The following GRIN2A variants were observed in gnomAD, a reference collection of about 807,000 sequenced individuals.
GRIN2A encodes the protein glutamate receptor ionotropic, NMDA 2A.
GRIN2A carries 22 observed loss-of-function variants against 113.4 expected under a neutral mutation model. The ratio of observed to expected loss-of-function variants is 0.19; its 90% CI spans 0.14 to 0.28. The LOEUF is 0.28. Among genes scored for constraint, GRIN2A ranks in the 10% least tolerant of loss-of-function variants. GRIN2A has a pLI of 1.00. For missense variants in GRIN2A, 1,502 were observed against 1,887.0 expected, an observed-to-expected ratio of 0.80 and a Z score of 3.78; for synonymous variants, 827 against 738.4, an observed-to-expected ratio of 1.12 and a Z score of -1.94.
intron 2 of GRIN2A, among the ~76,000 whole-genome samples, chr16:10,123,468 A>G (rs1295404311): frequency 1.3e-5 from 2 of 152,214 alleles, no homozygotes; most frequent in African/African-American, 2.4e-5. Context: ...ATAGTTTGCA[A>G]GATACTGAAG....
At chr16:9,920,481 T>A (rs1370234998) in intron 3 of GRIN2A, among the ~76,000 whole-genome samples, 1 of 152,194 alleles carries the variant, frequency 6.6e-6, no homozygotes, top group Admixed American at 6.5e-5. Context: ...AGAAGTATGA[T>A]GGATCCCTCC....
intron 2 of GRIN2A, among the ~76,000 whole-genome samples, chr16:10,058,024 G>C (rs1220819475): frequency 6.6e-6 from 1 of 152,170 alleles, no homozygotes; most frequent in South Asian, 2.1e-4. Flanking sequence ...GGAAGCCAAG[G>C]AGGGTGGATC....
At chr16:9,884,632 T>C (rs2043552922) in intron 4 of GRIN2A, among the ~76,000 whole-genome samples, 1 of 152,078 alleles carries the variant, frequency 6.6e-6, no homozygotes, top group South Asian at 2.1e-4. Context: ...GCATTTTTTT[T>C]CAGGTAGAAT....
At chr16:9,876,239 G>A (rs1428348402) in intron 4 of GRIN2A, among the ~76,000 whole-genome samples, 2 of 152,148 alleles carry the variant, frequency 1.3e-5, no homozygotes, top group Admixed American at 1.3e-4. Flanking sequence ...CTGGCTCCTT[G>A]CTTCTTACTC....
rs1015919076 is a variant in GRIN2A, at chr16:9,928,390, G to A, written c.1007+9569C>T. ...ACCAACGATAGCTCATAAGTTAATC[G>A]GTCGTGAGCACCTGCCCCTTTATAC... is the stretch of plus-strand genomic sequence containing the variant. On this transcript the variant is annotated intron_variant, in intron 3 of 12. Coordinates refer to ENST00000330684, the MANE Select transcript of GRIN2A (RefSeq NM_001134407.3). Among the ~76,000 whole-genome samples the A allele has an allele frequency of 5.9e-5, 9 of 152,110 alleles. 1 individual carries two copies. The East Asian group carries it at 1.5e-3, about 26-fold the overall frequency.
chr16:9,886,659 G>C (rs557234251), intron 4 of GRIN2A, among the ~76,000 whole-genome samples: 2 of 152,022 alleles, frequency 1.3e-5, no homozygotes, highest in Non-Finnish European at 2.9e-5. Context: ...TCAAGGATAG[G>C]GCCTGGTACA....
At chr16:9,872,690 G>A (rs2043289438) in intron 4 of GRIN2A, among the ~76,000 whole-genome samples, 1 of 152,100 alleles carries the variant, frequency 6.6e-6, no homozygotes, top group Non-Finnish European at 1.5e-5. Context: ...GGATGGAACT[G>A]GAGGCCATGA....
At chr16:9,848,112 TATAGTTTATATATAAAA>T (rs2042809290) in intron 5 of GRIN2A, among the ~76,000 whole-genome samples, 1 of 147,558 alleles carries the variant, frequency 6.8e-6, no homozygotes. Context: ...TCTATAAACA[TATAGTTTATATATAAAA>T]ATAGTTTATA....
intron 2 of GRIN2A, among the ~76,000 whole-genome samples, chr16:10,093,353 C>A (rs986050551): frequency 6.6e-6 from 1 of 152,164 alleles, no homozygotes; most frequent in African/African-American, 2.4e-5. Context: ...TAGGCACATC[C>A]CAGGTGTGTG....
At chr16:9,998,734 C>T (rs2046269651) in intron 2 of GRIN2A, among the ~76,000 whole-genome samples, 1 of 152,092 alleles carries the variant, frequency 6.6e-6, no homozygotes, top group African/African-American at 2.4e-5. Context: ...ACTCTTCTCT[C>T]TCTCTCTCCT....
At chr16:10,015,577 A>G (rs2046594915) in intron 2 of GRIN2A, among the ~76,000 whole-genome samples, 1 of 152,242 alleles carries the variant, frequency 6.6e-6, no homozygotes, top group African/African-American at 2.4e-5. Context: ...TACATTTGGA[A>G]AATCATTTTG....
chr16:9,782,800 C>T (rs926312977), intron 11 of GRIN2A, among the ~76,000 whole-genome samples: 5 of 152,164 alleles, frequency 3.3e-5, no homozygotes, highest in African/African-American at 9.7e-5. Context: ...CTCAGTGGCT[C>T]TCCAGGATAT....
rs185431762 is a variant in GRIN2A at position 9,896,076 on chromosome 16, G to T, written c.1008-4976C>A. ...AACTTTTTTTTTTTTTGGAAACAGG[G>T]TCTCACTCTGCCACCCAGGATGGAG... is the stretch of plus-strand genomic sequence containing the variant. On this transcript the variant is annotated intron_variant, in intron 3 of 12. Transcript: ENST00000330684. 2.5e-3 allele frequency among the ~76,000 whole-genome samples: 384 copies of T among 151,776 alleles called. 1 individual carries two copies. The highest frequency in any genetic ancestry group is 8.8e-3 in the African/African-American group (363 of 41,338).
chr16:10,112,764 A>G, intron 2 of GRIN2A: 1 of 713,394 alleles, frequency 1.4e-6, no homozygotes, highest in Non-Finnish European at 2.6e-6. Context: ...CCTCATAGCG[A>G]GTAACCAGCA....
At chr16:9,963,345 A>G (rs149256615) in intron 2 of GRIN2A, among the ~76,000 whole-genome samples, 73 of 151,910 alleles carry the variant, frequency 4.8e-4, no homozygotes, top group African/African-American at 1.6e-3. Context: ...TACACGTGCC[A>G]TGGTGGTTGG....
At chr16:9,878,808 T>G (rs527661055) in intron 4 of GRIN2A, among the ~76,000 whole-genome samples, 1 of 151,926 alleles carries the variant, frequency 6.6e-6, no homozygotes, top group East Asian at 1.9e-4. Context: ...ATGTTACAAC[T>G]GCAACAACAA....
At chr16:10,056,863 T>A (rs969499607) in intron 2 of GRIN2A, among the ~76,000 whole-genome samples, 1 of 152,188 alleles carries the variant, frequency 6.6e-6, no homozygotes, top group African/African-American at 2.4e-5. Flanking sequence ...AGAACTGTGA[T>A]ATAATAAATT....
chr16:9,862,261 T>A (rs1408406238), intron 4 of GRIN2A, among the ~76,000 whole-genome samples: 1 of 152,240 alleles, frequency 6.6e-6, no homozygotes, highest in Non-Finnish European at 1.5e-5. Context: ...TTAATTAAAT[T>A]CCTCTCAGTT....
chr16:10,039,783 AGGGGGAGGGGGAGGGGGAG>A, intron 2 of GRIN2A, among the ~76,000 whole-genome samples: 1 of 6,968 alleles, frequency 1.4e-4, no homozygotes, highest in Non-Finnish European at 2.7e-4. Flanking sequence ...AGGGAGGGGG[AGGGGGAGGGGGAGGGGGAG>A]GGGGGGGAGA....
Sources: gnomAD v4.1 joint callset for allele counts (sites outside exome capture counted in the v4.1 genomes callset) on GRCh38, gnomAD v4.1.1 for gene constraint, MANE v1.5 for transcripts, NCBI Gene and HGNC (gene_info 2026-07-23, HGNC 2026-07-21) for gene names.